The following CHCHD6 variants were observed in gnomAD, a reference collection of about 807,000 sequenced individuals.
CHCHD6 encodes coiled-coil-helix-coiled-coil-helix domain containing 6, also known as MICOS complex subunit MIC25.
Under a neutral mutation model 32.3 loss-of-function variants are expected in CHCHD6, and 28 were observed. The observed-to-expected ratio is 0.87, with a 90% CI of 0.64 to 1.19. The LOEUF is 1.19. CHCHD6 is among the 50% of genes most tolerant of loss of function. CHCHD6 has a pLI of 0.00. For synonymous variants in CHCHD6, 122 were observed against 117.5 expected (o/e 1.04, Z -0.25); for missense variants, 333 against 307.0 (o/e 1.08, Z -0.63).
At chr3:126,909,196 GCTCT>G (rs2078048763) in intron 5 of CHCHD6, among the ~76,000 whole-genome samples, 1 of 152,202 alleles carries the variant, frequency 6.6e-6, no homozygotes. Context: ...TCCAAAAGTT[GCTCT>G]CCCCAATGTC....
chr3:126,822,641 A>C (rs545342401), intron 4 of CHCHD6, among the ~76,000 whole-genome samples: 1 of 152,342 alleles, frequency 6.6e-6, no homozygotes, highest in South Asian at 2.1e-4. Context: ...AATGTATTGA[A>C]TCTGTAGATC....
intron 4 of CHCHD6, among the ~76,000 whole-genome samples, chr3:126,835,586 G>A (rs563256094): frequency 6.6e-6 from 1 of 152,286 alleles, no homozygotes; most frequent in Admixed American, 6.5e-5. Flanking sequence ...CATCACTCCT[G>A]TTCTCTGCAA....
chr3:126,870,162 C>T (rs1394352445), intron 5 of CHCHD6, among the ~76,000 whole-genome samples: 1 of 152,142 alleles, frequency 6.6e-6, no homozygotes, highest in Non-Finnish European at 1.5e-5. Flanking sequence ...GCTAAGGGTT[C>T]CCTGAGATAC....
intron 1 of CHCHD6, 130 bp downstream of exon 1, chr3:126,704,529 C>T (rs760494837): frequency 2.0e-5 from 11 of 542,012 alleles, no homozygotes; most frequent in Non-Finnish European, 3.2e-5. Flanking sequence ...TCCGGGGGCT[C>T]AGGCCAGGAA....
chr3:126,957,529 G>T lies in CHCHD6; in HGVS notation c.680G>T (p.Arg227Leu). ...LCSDLVKAYQ[R>L]CVSAAHKG ...TCGGACCTGGTCAAGGCATACCAGC[G>T]CTGCGTGAGCGCCGCCCACAAGGTA... Residue 227 changes from arginine (R) to leucine (L), a missense_variant, in exon 7 of 8, where the codon CGC becomes CTC. Coordinates refer to ENST00000290913, the MANE Select transcript of CHCHD6 (RefSeq NM_032343.3). 2.5e-6 allele frequency: 4 copies of T among 1,576,498 alleles called. No individual in the cohort carries two copies. The highest frequency in any genetic ancestry group is 3.4e-6 in the Non-Finnish European group (4 of 1,161,278).
intron 6 of CHCHD6, among the ~76,000 whole-genome samples, chr3:126,937,009 A>G (rs765783047): frequency 5.9e-5 from 9 of 152,170 alleles, no homozygotes; most frequent in Non-Finnish European, 1.0e-4. Flanking sequence ...GCAGCCTTAC[A>G]CTGGAGTGGT....
At chr3:126,727,594 G>A (rs767886906) in intron 2 of CHCHD6, among the ~76,000 whole-genome samples, 20 of 152,228 alleles carry the variant, frequency 1.3e-4, no homozygotes, top group Non-Finnish European at 2.8e-4. Flanking sequence ...AATTCCGTCA[G>A]TGATTTAGGC....
At position 126,958,216 on chromosome 3, in the gene CHCHD6, G is replaced by A. The variant is rs76545114; in HGVS notation, c.702+665G>A. Among the ~76,000 whole-genome samples the A allele has an allele frequency of 6.1e-3, 903 of 148,912 alleles. 25 individuals are homozygous for A. The highest frequency in any genetic ancestry group is 0.049 in the Admixed American group (726 of 14,820). On this transcript the variant is annotated intron_variant, in intron 7 of 7. Coordinates refer to ENST00000290913, the MANE Select transcript of CHCHD6 (RefSeq NM_032343.3). ...TAAGTCCTCCCCCTTCCCAGGTCCCGTAGCGTCCTCTGGTGCAGTCAGGCT... is the reference window on the plus strand; with the variant it reads ...TAAGTCCTCCCCCTTCCCAGGTCCCATAGCGTCCTCTGGTGCAGTCAGGCT...
At position 126,749,018 on chromosome 3, in the gene CHCHD6, G is replaced by A. The variant is rs538820687; in HGVS notation, c.411+15796G>A. Among the ~76,000 whole-genome samples the A allele has an allele frequency of 7.0e-4, 106 of 152,296 alleles. 1 individual carries two copies. Among genetic ancestry groups the A allele is most frequent in the Admixed American group, 2.2e-3 (33 of 15,298 alleles). ...TCTCTGAGGAGTGGACATGTGAGCC[G>A]CGACCTAGAGGGTAAGTGGGAAGGA... On this transcript the variant is annotated intron_variant, in intron 4 of 7. Transcript: ENST00000290913.
At chr3:126,741,412 G>A (rs951570314) in intron 4 of CHCHD6, among the ~76,000 whole-genome samples, 4 of 151,752 alleles carry the variant, frequency 2.6e-5, no homozygotes, top group African/African-American at 9.7e-5. Flanking sequence ...CTGGTTCTCT[G>A]GAGAGAGAAG....
intron 4 of CHCHD6, among the ~76,000 whole-genome samples, chr3:126,771,512 TA>T (rs1937542331): frequency 6.6e-6 from 1 of 152,150 alleles, no homozygotes; most frequent in African/African-American, 2.4e-5. Flanking sequence ...CCTGGCCCCC[TA>T]AAGGGGGGTT....
At chr3:126,948,260 A>G (rs2078667820) in intron 6 of CHCHD6, among the ~76,000 whole-genome samples, 1 of 152,234 alleles carries the variant, frequency 6.6e-6, no homozygotes, top group Admixed American at 6.5e-5. Flanking sequence ...TCTGGAGGGC[A>G]GAGGTCCACA....
rs1369635307 is a variant in CHCHD6 at position 126,764,221 on chromosome 3, AT to A, written c.411+31000del. 6.1e-5 allele frequency among the ~76,000 whole-genome samples: 9 copies of A among 147,860 alleles called. No individual in the cohort carries two copies. In the South Asian group the frequency reaches 1.1e-3, roughly 17 times the overall value. On this transcript the variant is annotated intron_variant, in intron 4 of 7. Coordinates refer to ENST00000290913, the MANE Select transcript of CHCHD6 (RefSeq NM_032343.3). ...CATGCATATATATATATATATATAT[AT>A]ATAAATATATGAAATAATACAATTA...
chr3:126,954,807 A>G (rs940480973), intron 6 of CHCHD6, among the ~76,000 whole-genome samples: 2 of 152,216 alleles, frequency 1.3e-5, no homozygotes, highest in African/African-American at 2.4e-5. Flanking sequence ...GGAACAGAAG[A>G]CACAGCAAGA....
rs2078841666 is a variant in CHCHD6, at chr3:126,960,203, G to A, written c.*2G>A. ...GACCTGTTCTCTTTGTAGGGCTGAG[G>A]AGCAGACATCATTCCCTGCCCTGGC... On this transcript the variant is annotated 3_prime_UTR_variant, in exon 8 of 8. Transcript: ENST00000290913. 1 of 1,551,442 alleles carries A rather than the reference G, an allele frequency of 6.4e-7. No individual in the cohort carries two copies. Among genetic ancestry groups the A allele is most frequent in the Non-Finnish European group, 8.7e-7 (1 of 1,146,866 alleles).
At chr3:126,705,127 C>A (rs1934417244) in intron 1 of CHCHD6, among the ~76,000 whole-genome samples, 1 of 152,182 alleles carries the variant, frequency 6.6e-6, no homozygotes, top group African/African-American at 2.4e-5. Context: ...TCCTTAAATC[C>A]CGCTGTTTCT....
intron 5 of CHCHD6, among the ~76,000 whole-genome samples, chr3:126,864,074 C>T (rs1942126297): frequency 6.7e-6 from 1 of 149,412 alleles, no homozygotes; most frequent in Non-Finnish European, 1.5e-5. Context: ...TCTTCCCCCA[C>T]AATCACCACC....
intron 4 of CHCHD6, among the ~76,000 whole-genome samples, chr3:126,740,222 G>A (rs1936234269): frequency 6.6e-6 from 1 of 152,080 alleles, no homozygotes; most frequent in Admixed American, 6.6e-5. Flanking sequence ...GTGATTGAGG[G>A]TCCTTCCTTG....
intron 6 of CHCHD6, among the ~76,000 whole-genome samples, chr3:126,954,901 G>A (rs1048659965): frequency 2.6e-5 from 4 of 152,238 alleles, no homozygotes; most frequent in Admixed American, 6.5e-5. Flanking sequence ...CCACTGCCCT[G>A]CAGATTTAAC....
Sources: gnomAD v4.1 joint callset for allele counts (sites outside exome capture counted in the v4.1 genomes callset) on GRCh38, gnomAD v4.1.1 for gene constraint, MANE v1.5 for transcripts, NCBI Gene and HGNC (gene_info 2026-07-23, HGNC 2026-07-21) for gene names.